DNAH6: variants seen among roughly 807,000 people sequenced by gnomAD.
DNAH6 encodes axonemal beta dynein heavy chain 6.
Under a neutral mutation model 491.4 loss-of-function variants are expected in DNAH6, and 340 were observed. That is an observed-to-expected ratio of 0.69 (90% CI 0.63 to 0.76). The LOEUF (loss-of-function observed/expected upper bound fraction) is 0.76, where lower values mean the gene tolerates loss of function less well. Among genes scored for constraint, DNAH6 ranks in the 30% least tolerant of loss-of-function variants. DNAH6 has a pLI of 0.00. For missense variants in DNAH6, 4,443 were observed against 4,972.2 expected, an observed-to-expected ratio of 0.89 and a Z score of 3.20; for synonymous variants, 1,603 against 1,686.1, an observed-to-expected ratio of 0.95 and a Z score of 1.21.
chr2:84,590,458 G>T (rs1056637369), intron 16 of DNAH6, among the ~76,000 whole-genome samples: 1 of 135,656 alleles, frequency 7.4e-6, no homozygotes, highest in East Asian at 2.3e-4. Context: ...TCGTGCCACC[G>T]CACTCCAGCC....
Position 84,521,487 on chromosome 2 carries a change from T to C in DNAH6, c.225+3436T>C, listed in dbSNP as rs189540979. ...AGTTCTTAAGTTTAATTAGATCCCATTTGTCAATTTTTGATTTTGTTGCAA... is the reference window on the plus strand; with the variant it reads ...AGTTCTTAAGTTTAATTAGATCCCACTTGTCAATTTTTGATTTTGTTGCAA... On this transcript the variant is annotated intron_variant, in intron 2 of 76. Coordinates refer to ENST00000389394, the MANE Select transcript of DNAH6 (RefSeq NM_001370.2). Among the ~76,000 whole-genome samples, 45 of 152,284 alleles carry C rather than the reference T, an allele frequency of 3.0e-4. No individual in the cohort carries two copies. The East Asian group carries it at 8.7e-3, about 29-fold the overall frequency.
chr2:84,638,211 A>C (rs1164723104), intron 31 of DNAH6, among the ~76,000 whole-genome samples: 1 of 152,266 alleles, frequency 6.6e-6, no homozygotes, highest in East Asian at 1.9e-4. Flanking sequence ...ACAGGGTCTC[A>C]CTATGCTACC....
intron 58 of DNAH6, 65 bp from the exon 59 acceptor site, chr2:84,718,138 GA>G: frequency 7.5e-7 from 1 of 1,337,288 alleles, no homozygotes; most frequent in Non-Finnish European, 1.0e-6. Context: ...AACAGAGAAA[GA>G]AAAATAGAAG....
chr2:84,679,956 T>C (rs1046364567), intron 41 of DNAH6, among the ~76,000 whole-genome samples: 3 of 152,178 alleles, frequency 2.0e-5, no homozygotes, highest in Admixed American at 2.0e-4. Context: ...TACATACATA[T>C]AACATATATA....
intron 64 of DNAH6, among the ~76,000 whole-genome samples, chr2:84,770,461 C>G (rs1272767329): frequency 1.3e-5 from 2 of 151,642 alleles, no homozygotes; most frequent in Non-Finnish European, 2.9e-5. Flanking sequence ...GAACAAATAA[C>G]TAAAGGAAAA....
At position 84,705,746 on chromosome 2, in the gene DNAH6, A is replaced by G. The variant is rs1331788097; in HGVS notation, c.8726A>G (p.Gln2909Arg). ...AAAAGACAAAAGCTCCGCGCCGCAC[A>G]GGTACATTTTCTGTATTGTGATATT... ...EPKRQKLRAA[Q>R]AELDITMATL... The change falls in exon 52 of 77, where the codon CAG becomes CGG. Residue 2909 changes from glutamine to arginine, a missense_variant and splice_region_variant. Transcript: ENST00000389394. 3.2e-6 allele frequency: 5 copies of G among 1,539,432 alleles called. No individual in the cohort carries two copies. The East Asian group carries it at 9.8e-5, about 30-fold the overall frequency.
the DNAH6 span, among the ~76,000 whole-genome samples, chr2:84,477,469 C>A: frequency 3.9e-5 from 6 of 152,176 alleles, no homozygotes; most frequent in Non-Finnish European, 8.8e-5. Context: ...ATGCCTCTGA[C>A]AGACCCCTCA....
intron 18 of DNAH6, among the ~76,000 whole-genome samples, chr2:84,598,997 T>G (rs1684958668): frequency 7.0e-6 from 1 of 143,506 alleles, no homozygotes; most frequent in African/African-American, 2.7e-5. Context: ...GCCACTGTAC[T>G]CAGGCATGGG....
At chr2:84,798,923 A>T (rs1678607060) in intron 70 of DNAH6, among the ~76,000 whole-genome samples, 1 of 151,984 alleles carries the variant, frequency 6.6e-6, no homozygotes, top group African/African-American at 2.4e-5. Context: ...AGGGGAACAC[A>T]AGGAAGAATA....
the DNAH6 span, among the ~76,000 whole-genome samples, chr2:84,466,337 GT>G: frequency 6.6e-6 from 1 of 152,112 alleles, no homozygotes; most frequent in South Asian, 2.1e-4. Context: ...ATTGTGTCCT[GT>G]TACAAAAGAA....
intron 62 of DNAH6, among the ~76,000 whole-genome samples, chr2:84,744,126 G>T (rs1672754213): frequency 6.6e-6 from 1 of 152,212 alleles, no homozygotes; most frequent in Admixed American, 6.5e-5. Context: ...GCCATGGTCA[G>T]AAGTGTCACT....
intron 63 of DNAH6, chr2:84,750,693 A>G (rs1221578231): frequency 6.6e-6 from 1 of 152,110 alleles, no homozygotes; most frequent in African/African-American, 2.4e-5. Context: ...CTCATTTTAT[A>G]TTTACTTGAA....
At chr2:84,513,235 T>C (rs1477374812), upstream of DNAH6, among the ~76,000 whole-genome samples, 2 of 152,200 alleles carry the variant, frequency 1.3e-5, no homozygotes, top group African/African-American at 2.4e-5. Flanking sequence ...CTCATACTTT[T>C]GGTTGAAAAT....
intron 9 of DNAH6, among the ~76,000 whole-genome samples, chr2:84,551,846 G>A (rs1044487388): frequency 6.6e-6 from 1 of 152,082 alleles, no homozygotes; most frequent in South Asian, 2.1e-4. Context: ...TGAGGAGTTC[G>A]AGACCAGCCT....
At chr2:84,714,964 A>G (rs1160574094) in intron 57 of DNAH6, among the ~76,000 whole-genome samples, 1 of 151,770 alleles carries the variant, frequency 6.6e-6, no homozygotes, top group Non-Finnish European at 1.5e-5. Context: ...GGTTTTTGCT[A>G]TTGACTTATC....
intron 33 of DNAH6, 61 bp from the exon 34 acceptor site, chr2:84,653,258 C>A (rs1453655337): frequency 2.3e-6 from 3 of 1,305,186 alleles, no homozygotes; most frequent in Admixed American, 2.8e-5. Context: ...TTGATTGTAA[C>A]AAATACGGGA....
At chr2:84,739,613 T>A (rs1386374695) in intron 62 of DNAH6, among the ~76,000 whole-genome samples, 2 of 152,234 alleles carry the variant, frequency 1.3e-5, no homozygotes, top group African/African-American at 4.8e-5. Context: ...TCTGAAAGTC[T>A]TTCTTTTGCC....
chr2:84,667,916 G>A (rs1258670501), intron 37 of DNAH6, among the ~76,000 whole-genome samples: 1 of 152,176 alleles, frequency 6.6e-6, no homozygotes, highest in Non-Finnish European at 1.5e-5. Flanking sequence ...GCCATAAAAA[G>A]GGATGAGTTC....
chr2:84,728,138 C>T (rs947526792), intron 61 of DNAH6, among the ~76,000 whole-genome samples: 5 of 152,206 alleles, frequency 3.3e-5, no homozygotes, highest in Admixed American at 6.5e-5. Flanking sequence ...TTCTCACTTG[C>T]CTGCTGCCAT....
Sources: gnomAD v4.1 joint callset for allele counts (sites outside exome capture counted in the v4.1 genomes callset) on GRCh38, gnomAD v4.1.1 for gene constraint, MANE v1.5 for transcripts, NCBI Gene and HGNC (gene_info 2026-07-23, HGNC 2026-07-21) for gene names.